Variants in BCAT1 observed in about 807,000 individuals in gnomAD.
BCAT1 encodes the protein branched-chain-amino-acid aminotransferase, cytosolic.
Under a neutral mutation model 52.4 loss-of-function variants are expected in BCAT1, and 48 were observed. That is an observed-to-expected ratio of 0.92 (90% CI 0.73 to 1.16). The LOEUF is 1.16. Ranked by LOEUF, BCAT1 falls within the 50% of genes most tolerant of loss-of-function variation. BCAT1 has a pLI of 0.00. For missense variants in BCAT1, 451 were observed against 457.1 expected (o/e 0.99, Z 0.12); for synonymous variants, 167 against 161.3 (o/e 1.04, Z -0.27).
intron 5 of BCAT1, among the ~76,000 whole-genome samples, chr12:24,873,428 A>C (rs1426540428): frequency 6.6e-6 from 1 of 152,190 alleles, no homozygotes; most frequent in East Asian, 1.9e-4. Flanking sequence ...TTACTCTCTA[A>C]ACTTTTTACA....
At chr12:24,821,656 A>G (rs1404988608) in intron 10 of BCAT1, among the ~76,000 whole-genome samples, 2 of 152,190 alleles carry the variant, frequency 1.3e-5, no homozygotes, top group Non-Finnish European at 2.9e-5. Context: ...CCTTCAAGAA[A>G]CATTACTGCA....
chr12:24,865,380 A>C (rs1266206547), intron 5 of BCAT1, among the ~76,000 whole-genome samples: 1 of 152,148 alleles, frequency 6.6e-6, no homozygotes, highest in Non-Finnish European at 1.5e-5. Flanking sequence ...CCCACATCCA[A>C]CCTATCAGCA....
At chr12:24,866,343 G>C (rs894395562) in intron 5 of BCAT1, among the ~76,000 whole-genome samples, 8 of 152,188 alleles carry the variant, frequency 5.3e-5, no homozygotes, top group Non-Finnish European at 1.2e-4. Context: ...GGCAGGGCTC[G>C]GGACCTGCAG....
chr12:24,888,723 A>G (rs1942752921), intron 3 of BCAT1, among the ~76,000 whole-genome samples: 1 of 152,184 alleles, frequency 6.6e-6, no homozygotes, highest in South Asian at 2.1e-4. Context: ...CTATGACACT[A>G]TAATAATGAT....
intron 2 of BCAT1, 33 bp from the exon 3 acceptor site, chr12:24,894,508 A>C: frequency 6.5e-7 from 1 of 1,532,870 alleles, no homozygotes; most frequent in Non-Finnish European, 8.9e-7. Context: ...ATTTACAGAA[A>C]AGCTACTGAG....
chr12:24,922,472 A>G (rs1022877525), intron 1 of BCAT1, among the ~76,000 whole-genome samples: 1 of 152,252 alleles, frequency 6.6e-6, no homozygotes, highest in African/African-American at 2.4e-5. Context: ...GGTAGATATC[A>G]TCATTATTAT....
At position 24,849,815 on chromosome 12, in the gene BCAT1, T is replaced by C. The variant is rs781158038; in HGVS notation, c.645A>G (p.Lys215=). 9.3e-6 allele frequency: 15 copies of C among 1,612,728 alleles called. No homozygotes were observed. Among genetic ancestry groups the C allele is most frequent in the East Asian group, 2.2e-5 (1 of 44,846 alleles). ...CCATCTTGCAGTCCCCAGTTCCACC[T>C]TTCCAGGCTCTTACATACTTGGGAT... is the stretch of plus-strand genomic sequence containing the variant. ...WANPKYVRAW[K]GGTGDCKMGG... The change falls in exon 6 of 11, where the codon AAA becomes AAG. Residue 215 remains lysine, a synonymous_variant. Coordinates refer to ENST00000261192, the MANE Select transcript of BCAT1 (RefSeq NM_005504.7).
At chr12:24,930,896 CTTTTT>C (rs5797108) in intron 1 of BCAT1, among the ~76,000 whole-genome samples, 10 of 96,064 alleles carry the variant, frequency 1.0e-4, no homozygotes, top group Non-Finnish European at 1.8e-4. Context: ...GAACAGGGCC[CTTTTT>C]TTTTTTTTTT....
chr12:24,836,010 T>A (rs992134995), intron 8 of BCAT1, among the ~76,000 whole-genome samples: 4 of 152,166 alleles, frequency 2.6e-5, no homozygotes, highest in African/African-American at 9.7e-5. Flanking sequence ...TTTTGGAGGA[T>A]GGGGGTAGGA....
intron 5 of BCAT1, among the ~76,000 whole-genome samples, chr12:24,862,353 G>T (rs2139521506): frequency 6.6e-6 from 1 of 152,284 alleles, no homozygotes; most frequent in Non-Finnish European, 1.5e-5. Context: ...CAGTGCTTCT[G>T]AAAGACTGGT....
At chr12:24,829,717 A>C (rs1312125556) in intron 10 of BCAT1, 106 bp downstream of exon 10, 1 of 922,322 alleles carries the variant, frequency 1.1e-6, no homozygotes, top group Non-Finnish European at 1.6e-6. Context: ...GTATTATTTA[A>C]TCCTCTTCAT....
intron 1 of BCAT1, among the ~76,000 whole-genome samples, chr12:24,915,325 TAAAC>T (rs1348069623): frequency 6.6e-6 from 1 of 151,998 alleles, no homozygotes; most frequent in Non-Finnish European, 1.5e-5. Context: ...TATCTTCACA[TAAAC>T]AAAAGCAAAG....
chr12:24,902,939 C>A (rs1173521561), intron 1 of BCAT1: 1 of 1,509,380 alleles, frequency 6.6e-7, no homozygotes, highest in African/African-American at 1.4e-5. Context: ...CGCCCGGGTT[C>A]GAGGTACCTG....
rs892416989 is a variant in BCAT1 at position 24,814,358 on chromosome 12, T to C, written c.*3650A>G. 7 of 151,692 alleles carry C rather than the reference T, an allele frequency of 4.6e-5. No individual in the cohort carries two copies. The highest frequency in any genetic ancestry group is 1.5e-4 in the African/African-American group (6 of 41,268). 9.4% of individuals were successfully genotyped at this position (151,692 alleles called of 1,614,324 possible). A position where few individuals can be genotyped will look rare whatever the true frequency, so the allele number is the denominator to read the frequency against. On this transcript the variant is annotated 3_prime_UTR_variant, in exon 11 of 11. Transcript: ENST00000261192. ...TCACTCTTTGAAAGTGAACAAACAA[T>C]GTTTTCTGCTGAAAATTCATCTTTC... is the stretch of plus-strand genomic sequence containing the variant.
chr12:24,868,668 G>A (rs1042708663), intron 5 of BCAT1, among the ~76,000 whole-genome samples: 1 of 152,146 alleles, frequency 6.6e-6, no homozygotes. Context: ...ATGAAAAAAA[G>A]CAAAACTTTA....
At chr12:24,886,180 A>G (rs1942658533) in intron 3 of BCAT1, among the ~76,000 whole-genome samples, 1 of 152,184 alleles carries the variant, frequency 6.6e-6, no homozygotes. Context: ...CACTTTGAGA[A>G]GCTGAAGCGA....
intron 5 of BCAT1, among the ~76,000 whole-genome samples, chr12:24,875,186 C>T (rs566431427): frequency 4.9e-4 from 74 of 152,298 alleles, no homozygotes; most frequent in Middle Eastern, 3.4e-3. Context: ...CCAGCCAGTA[C>T]TTCACATATC....
chr12:24,903,185 A>C, intron 1 of BCAT1: 2 of 1,161,986 alleles, frequency 1.7e-6, no homozygotes, highest in Non-Finnish European at 2.2e-6. Context: ...AGGAGCCTCC[A>C]ACCGTCTCGT....
chr12:24,852,029 C>A (rs1396391973), intron 5 of BCAT1, among the ~76,000 whole-genome samples: 1 of 152,024 alleles, frequency 6.6e-6, no homozygotes, highest in Non-Finnish European at 1.5e-5. Context: ...GAATTTCCTC[C>A]CTGCTGTGCT....
Sources: gnomAD v4.1 joint callset for allele counts (sites outside exome capture counted in the v4.1 genomes callset) on GRCh38, gnomAD v4.1.1 for gene constraint, MANE v1.5 for transcripts, NCBI Gene and HGNC (gene_info 2026-07-23, HGNC 2026-07-21) for gene names.